Variants in ADGRF4 observed in about 807,000 individuals in gnomAD.
The protein encoded by ADGRF4 is G-protein coupled receptor PGR18.
A neutral mutation model predicts 58.5 loss-of-function variants in ADGRF4; 63 were observed. That is an observed-to-expected ratio of 1.08 (90% CI 0.88 to 1.33). ADGRF4 has a LOEUF of 1.33. Among genes scored for constraint, ADGRF4 ranks in the 40% most tolerant of loss-of-function variants. ADGRF4 has a pLI of 0.00. For missense variants in ADGRF4, 931 were observed against 843.9 expected, an observed-to-expected ratio of 1.10 and a Z score of -1.28; for synonymous variants, 313 against 295.4, an observed-to-expected ratio of 1.06 and a Z score of -0.61.
chr6:47,700,291 T>C (rs1317952745), intron 1 of ADGRF4, among the ~76,000 whole-genome samples: 1 of 152,248 alleles, frequency 6.6e-6, no homozygotes, highest in East Asian at 1.9e-4. Flanking sequence ...GGAGTCCTGA[T>C]GTCAGGCCGC....
chr6:47,708,205 G>T lies in ADGRF4; in HGVS notation c.94-19G>T. 1.9e-6 allele frequency: 3 copies of T among 1,602,228 alleles called. No individual in the cohort carries two copies. The highest frequency in any genetic ancestry group is 1.3e-5 in the African/African-American group (1 of 74,794). On this transcript the variant is annotated intron_variant, in intron 2 of 9. Transcript: ENST00000283303. ...GAGTCCCACAGTAAAGAGGACCATT[G>T]GGAATTTATATTTTTCAGGCTGGAG...
rs367871797 is a variant in ADGRF4, at chr6:47,707,321, T to A, written c.76T>A (p.Ser26Thr). The A allele has an allele frequency of 4.2e-5, 68 of 1,609,408 alleles. No individual in the cohort carries two copies. Among genetic ancestry groups the A allele is most frequent in the Non-Finnish European group, 5.4e-5 (63 of 1,175,810 alleles). The part of the protein sequence containing the change: ...FLSTECSHYR[S>T]KIHLKAGDKL... The stretch of plus-strand genomic sequence containing the variant: ...GTCCACAGAATGTTCCCACTATAGA[T>A]CCAAGATTCACCTAAAAGTAAGTTT... Residue 26 changes from serine (S) to threonine (T), a missense_variant, in exon 2 of 10, where the codon TCC (serine) becomes ACC (threonine). Coordinates refer to ENST00000283303, the MANE Select transcript of ADGRF4 (RefSeq NM_153838.5).
intron 3 of ADGRF4, 104 bp downstream of exon 3, chr6:47,708,382 A>T (rs879508951): frequency 1.3e-6 from 1 of 781,808 alleles, no homozygotes; most frequent in Admixed American, 2.0e-5. Context: ...TTTCCAACTG[A>T]ATAGCAATCT....
rs926484975 is a variant in ADGRF4, at chr6:47,698,630, C to G, written c.-181C>G. 3 of 152,160 alleles carry G rather than the reference C, an allele frequency of 2.0e-5. No homozygotes were observed. The highest frequency in any genetic ancestry group is 7.2e-5 in the African/African-American group (3 of 41,452). The allele number at this position is 152,160 out of a possible 1,614,324, so 9.4% of individuals were successfully genotyped here. On this transcript the variant is annotated 5_prime_UTR_variant, in exon 1 of 10. Coordinates refer to ENST00000283303, the MANE Select transcript of ADGRF4 (RefSeq NM_153838.5). ...ACAGGCAGTCAGTTCTCACTGGGCC[C>G]CTTGGACTCCCATTTCAAAAATGGA... is the stretch of plus-strand genomic sequence containing the variant.
intron 4 of ADGRF4, among the ~76,000 whole-genome samples, chr6:47,711,112 CAAA>C (rs35782783): frequency 4.8e-5 from 7 of 145,988 alleles, no homozygotes; most frequent in Non-Finnish European, 3.0e-5. Flanking sequence ...AAACTTTTCT[CAAA>C]AAAAAAAAAA....
At chr6:47,707,736 A>G (rs952527869) in intron 2 of ADGRF4, among the ~76,000 whole-genome samples, 2 of 152,218 alleles carry the variant, frequency 1.3e-5, no homozygotes, top group African/African-American at 4.8e-5. Flanking sequence ...GATATTATTT[A>G]TAGTTCTTTA....
chr6:47,707,386 G>A, intron 2 of ADGRF4, 48 bp downstream of exon 2: 1 of 1,051,192 alleles, frequency 9.5e-7, no homozygotes, highest in Non-Finnish European at 1.5e-6. Context: ...TCTCTCAGTT[G>A]CCCTCAATGG....
rs749714657 is a variant in ADGRF4 at position 47,716,898 on chromosome 6, A to T, written c.1974+51A>T. On this transcript the variant is annotated intron_variant, in intron 7 of 9. Coordinates refer to ENST00000283303, the MANE Select transcript of ADGRF4 (RefSeq NM_153838.5). ...TAAATGGTTTTCATGTGGCTGGGGG[A>T]AGCAGGAGGATGAAGCAGTTTTGAT... is the stretch of plus-strand genomic sequence containing the variant. 5 of 1,295,782 alleles carry T rather than the reference A, an allele frequency of 3.9e-6. No homozygotes were observed. In the Admixed American group the frequency reaches 9.3e-5, roughly 24 times the overall value. The allele number at this position is 1,295,782 out of a possible 1,614,324, so 80.3% of individuals were successfully genotyped here.
At position 47,718,203 on chromosome 6, in the gene ADGRF4, A is replaced by G. The variant is rs959107019; in HGVS notation, c.2035-186A>G. Among the ~76,000 whole-genome samples, 27 of 152,202 alleles carry G rather than the reference A, an allele frequency of 1.8e-4. 1 individual carries two copies. Among genetic ancestry groups the G allele is most frequent in the Admixed American group, 1.8e-3 (27 of 15,272 alleles). On this transcript the variant is annotated intron_variant, in intron 8 of 9. Transcript: ENST00000283303. ...TTGTTTCTTTTTATTTTTTAGCAGA[A>G]CATAAAAATAACGATGTAGCTTACA... is the stretch of plus-strand genomic sequence containing the variant.
intron 1 of ADGRF4, among the ~76,000 whole-genome samples, chr6:47,701,752 T>G (rs1771591911): frequency 6.6e-6 from 1 of 152,246 alleles, no homozygotes; most frequent in African/African-American, 2.4e-5. Context: ...CTGGATAGAT[T>G]AATGTGTTTT....
rs772196987 is a variant in ADGRF4 at position 47,714,140 on chromosome 6, G to A, written c.895G>A (p.Gly299Arg). 2.1e-5 allele frequency: 34 copies of A among 1,613,834 alleles called. No individual in the cohort carries two copies. The South Asian group carries it at 3.2e-4, about 15-fold the overall frequency. Reference sequence around the variant, plus strand: ...CATTAGCATAGCTTTCCCAACCTTGGGGGCTATCCTGAGAGAAGCCCACTT... The same window carrying A: ...CATTAGCATAGCTTTCCCAACCTTGAGGGCTATCCTGAGAGAAGCCCACTT... ...QAISIAFPTLGAILREAHLQN... is the reference protein window; with the variant it reads ...QAISIAFPTLRAILREAHLQN... Residue 299 changes from glycine (G) to arginine (R), a missense_variant, in exon 6 of 10, where the codon GGG (glycine) becomes AGG (arginine). Coordinates refer to ENST00000283303, the MANE Select transcript of ADGRF4 (RefSeq NM_153838.5).
At chr6:47,717,186 T>G in intron 7 of ADGRF4, 106 bp from the exon 8 acceptor site, 1 of 809,208 alleles carries the variant, frequency 1.2e-6, no homozygotes, top group Non-Finnish European at 2.2e-6. Context: ...CTAAGTCCTC[T>G]GATATTGCTT....
intron 1 of ADGRF4, among the ~76,000 whole-genome samples, chr6:47,701,699 G>T (rs896539389): frequency 1.3e-5 from 2 of 152,138 alleles, no homozygotes; most frequent in Non-Finnish European, 2.9e-5. Flanking sequence ...GCACAGTGAC[G>T]GGCATTAGGT....
chr6:47,720,228 T>C (rs1772126342), intron 9 of ADGRF4, among the ~76,000 whole-genome samples: 1 of 151,502 alleles, frequency 6.6e-6, no homozygotes, highest in South Asian at 2.1e-4. Context: ...CCACACACAG[T>C]GTTCAGGGCA....
chr6:47,717,229 C>A, intron 7 of ADGRF4, 63 bp from the exon 8 acceptor site: 2 of 1,161,552 alleles, frequency 1.7e-6, no homozygotes, highest in Non-Finnish European at 1.3e-6. Flanking sequence ...AGTTTCAGGA[C>A]AGGCAATTCT....
At chr6:47,711,014 G>T in intron 4 of ADGRF4, 128 bp downstream of exon 4, 1 of 830,928 alleles carries the variant, frequency 1.2e-6, no homozygotes, top group East Asian at 3.1e-5. Context: ...TACAGAATGG[G>T]TTAAATTTGT....
Position 47,714,832 on chromosome 6 carries a change from T to C in ADGRF4, c.1587T>C (p.Ile529=), listed in dbSNP as rs768639495. 1.1e-5 allele frequency: 18 copies of C among 1,612,578 alleles called. No individual in the cohort carries two copies. The highest frequency in any genetic ancestry group is 1.4e-5 in the Non-Finnish European group (17 of 1,178,618). The part of the protein sequence containing the change: ...FAIGYGCPLI[I]AVTTVAITEP... ...TTGGCTATGGGTGCCCATTGATCATTGCTGTCACTACAGTTGCTATCACAG... is the reference window on the plus strand; with the variant it reads ...TTGGCTATGGGTGCCCATTGATCATCGCTGTCACTACAGTTGCTATCACAG... Residue 529 remains isoleucine, a synonymous_variant, in exon 6 of 10, where the codon ATT becomes ATC. Transcript: ENST00000283303.
chr6:47,709,676 A>G (rs1771811656), intron 3 of ADGRF4, among the ~76,000 whole-genome samples: 1 of 152,200 alleles, frequency 6.6e-6, no homozygotes, highest in Non-Finnish European at 1.5e-5. Context: ...TATTCCCTAA[A>G]TCAATACTCC....
Position 47,710,980 on chromosome 6 carries a change from C to A in ADGRF4, c.300+94C>A, listed in dbSNP as rs544911145. ...TGATCTGTTCAGCATGACAAAAAGTCTCAGATCCGCACTTAGAAAAATCTA... is the reference window on the plus strand; with the variant it reads ...TGATCTGTTCAGCATGACAAAAAGTATCAGATCCGCACTTAGAAAAATCTA... On this transcript the variant is annotated intron_variant, in intron 4 of 9. Transcript: ENST00000283303. 7.5e-6 allele frequency: 9 copies of A among 1,193,834 alleles called. No individual in the cohort carries two copies. In the East Asian group the frequency reaches 2.1e-4, roughly 28 times the overall value. The allele number at this position is 1,193,834 out of a possible 1,614,324, so 74.0% of individuals were successfully genotyped here.
Sources: allele counts gnomAD v4.1 joint callset (sites outside exome capture counted in the v4.1 genomes callset), GRCh38; gene constraint gnomAD v4.1.1; transcripts MANE v1.5; gene names NCBI Gene and HGNC (gene_info 2026-07-23, HGNC 2026-07-21).